FAM168A: variants seen among roughly 807,000 people sequenced by gnomAD.
The protein encoded by FAM168A is protein FAM168A.
In FAM168A, 3 loss-of-function variants were observed where a neutral mutation model predicts 28.5. The observed-to-expected ratio is 0.11, with a 90% CI of 0.05 to 0.27. The LOEUF (loss-of-function observed/expected upper bound fraction) is 0.27. Among genes scored for constraint, FAM168A ranks in the 10% least tolerant of loss-of-function variants. The probability of loss-of-function intolerance (pLI) is 1.00; values close to 1 mark genes in which losing one functional copy is unlikely to be tolerated. For missense variants in FAM168A, 222 were observed against 311.5 expected (o/e 0.71, Z 2.16); for synonymous variants, 122 against 124.2 (o/e 0.98, Z 0.12).
At chr11:73,555,511 C>A (rs1219638156) in intron 1 of FAM168A, among the ~76,000 whole-genome samples, 1 of 151,770 alleles carries the variant, frequency 6.6e-6, no homozygotes. Flanking sequence ...TCGAGACCAG[C>A]CTGGCGAACA....
intron 1 of FAM168A, among the ~76,000 whole-genome samples, chr11:73,526,297 A>G (rs566451023): frequency 6.6e-6 from 1 of 152,248 alleles, no homozygotes; most frequent in South Asian, 2.1e-4. Context: ...ACAATGAGAT[A>G]TTTTTCTTTC....
At chr11:73,532,949 G>C (rs950132318) in intron 1 of FAM168A, among the ~76,000 whole-genome samples, 1 of 152,182 alleles carries the variant, frequency 6.6e-6, no homozygotes, top group African/African-American at 2.4e-5. Context: ...TGTCCCACCA[G>C]GCTACTACAG....
At chr11:73,446,174 A>G (rs1191240183) in intron 2 of FAM168A, among the ~76,000 whole-genome samples, 2 of 152,104 alleles carry the variant, frequency 1.3e-5, no homozygotes, top group African/African-American at 2.4e-5. Flanking sequence ...TTAACAGCTG[A>G]GTAATTAGAT....
chr11:73,432,622 A>G (rs993354471), intron 2 of FAM168A, among the ~76,000 whole-genome samples: 2 of 152,132 alleles, frequency 1.3e-5, no homozygotes, highest in African/African-American at 4.8e-5. Context: ...ATTTAAAAAT[A>G]CAATTATTTG....
chr11:73,528,722 T>C (rs1006614314), intron 1 of FAM168A, among the ~76,000 whole-genome samples: 5 of 152,222 alleles, frequency 3.3e-5, no homozygotes, highest in Admixed American at 3.3e-4. Flanking sequence ...ACTCTGACCC[T>C]GCAAGTAATG....
intron 1 of FAM168A, among the ~76,000 whole-genome samples, chr11:73,507,771 T>C (rs1855142859): frequency 6.6e-6 from 1 of 152,194 alleles, no homozygotes. Context: ...TCCACTTATA[T>C]GCCTCCCTCT....
At chr11:73,421,652 A>T (rs978798501) in intron 3 of FAM168A, among the ~76,000 whole-genome samples, 1 of 152,240 alleles carries the variant, frequency 6.6e-6, no homozygotes, top group Non-Finnish European at 1.5e-5. Flanking sequence ...AAAGAATCCA[A>T]TTAGTGTTAA....
chr11:73,407,434 C>T (rs1010967126), intron 7 of FAM168A, 79 bp downstream of exon 7: 5 of 993,644 alleles, frequency 5.0e-6, no homozygotes. Flanking sequence ...GACACCTGTG[C>T]TCCAGACCCA....
chr11:73,541,533 C>T (rs925094441), intron 1 of FAM168A, among the ~76,000 whole-genome samples: 1 of 151,862 alleles, frequency 6.6e-6, no homozygotes, highest in Non-Finnish European at 1.5e-5. Flanking sequence ...CCACCACACC[C>T]GGCTAATTTT....
chr11:73,568,121 A>G (rs1316558872), intron 1 of FAM168A, among the ~76,000 whole-genome samples: 1 of 152,226 alleles, frequency 6.6e-6, no homozygotes, highest in East Asian at 1.9e-4. Context: ...AGAGAGGAAC[A>G]TCCATGAGTA....
At chr11:73,541,283 G>C (rs1002818791) in intron 1 of FAM168A, among the ~76,000 whole-genome samples, 1 of 133,712 alleles carries the variant, frequency 7.5e-6, no homozygotes, top group African/African-American at 3.9e-5. Context: ...CTATATAATA[G>C]AAAGACCACA....
intron 2 of FAM168A, among the ~76,000 whole-genome samples, chr11:73,464,951 T>C (rs1867711529): frequency 6.6e-6 from 1 of 151,736 alleles, no homozygotes; most frequent in Admixed American, 6.6e-5. Flanking sequence ...AGTGGCAGAA[T>C]AGGGTCTGTA....
At chr11:73,413,194 G>A (rs1048516495) in intron 4 of FAM168A, among the ~76,000 whole-genome samples, 3 of 151,070 alleles carry the variant, frequency 2.0e-5, no homozygotes, top group African/African-American at 7.3e-5. Context: ...AGGAGGATAG[G>A]AGAGCTGCTG....
intron 2 of FAM168A, among the ~76,000 whole-genome samples, chr11:73,458,536 T>C (rs2134559431): frequency 6.6e-6 from 1 of 152,364 alleles, no homozygotes; most frequent in African/African-American, 2.4e-5. Context: ...TGCCTGACAC[T>C]TCAGTGGAGT....
At chr11:73,433,177 C>T (rs1867026940) in intron 2 of FAM168A, among the ~76,000 whole-genome samples, 1 of 145,650 alleles carries the variant, frequency 6.9e-6, no homozygotes, top group South Asian at 2.1e-4. Context: ...TTTCCTGCCT[C>T]GGCCTCCTAA....
chr11:73,477,789 C>A (rs939404428), intron 1 of FAM168A, among the ~76,000 whole-genome samples: 4 of 152,094 alleles, frequency 2.6e-5, no homozygotes, highest in African/African-American at 9.7e-5. Context: ...ATAATTGAGA[C>A]AATTCATTGC....
At chr11:73,544,943 ATATATAATATATTATATATAATATATAT>A (rs1252242546) in intron 1 of FAM168A, among the ~76,000 whole-genome samples, 4 of 94,162 alleles carry the variant, frequency 4.2e-5, no homozygotes, top group African/African-American at 2.1e-4. Flanking sequence ...ATATTATGTA[ATATATAATATATTATATATAATATATAT>A]TATATAATAT....
At chr11:73,580,484 C>T in intron 1 of FAM168A, 1 of 620,134 alleles carries the variant, frequency 1.6e-6, no homozygotes, top group South Asian at 1.4e-5. Context: ...CAAAACAGAC[C>T]AGGGACAGAA....
At chr11:73,544,968 ATATT>A (rs1943719093) in intron 1 of FAM168A, among the ~76,000 whole-genome samples, 1 of 89,954 alleles carries the variant, frequency 1.1e-5, no homozygotes, top group African/African-American at 6.0e-5. Flanking sequence ...TATATAATAT[ATATT>A]ATATAATATA....
Sources: gnomAD v4.1 joint callset for allele counts (sites outside exome capture counted in the v4.1 genomes callset) on GRCh38, gnomAD v4.1.1 for gene constraint, MANE v1.5 for transcripts, NCBI Gene and HGNC (gene_info 2026-07-23, HGNC 2026-07-21) for gene names.